The following PDGFB variants were observed in gnomAD, a reference collection of about 807,000 sequenced individuals.
PDGFB encodes the protein platelet derived growth factor subunit B.
In PDGFB, 6 loss-of-function variants were observed where a neutral mutation model predicts 29.0. That is an observed-to-expected ratio of 0.21 (90% CI 0.11 to 0.41). The LOEUF (loss-of-function observed/expected upper bound fraction) is 0.41, where lower values mean the gene tolerates loss of function less well. Among genes scored for constraint, PDGFB ranks in the 10% least tolerant of loss-of-function variants. The pLI is 1.00. For missense variants in PDGFB, 299 were observed against 341.8 expected (o/e 0.87, Z 0.99); for synonymous variants, 144 against 140.8 (o/e 1.02, Z -0.16).
At chr22:39,239,519 G>A (rs1932519926) in intron 1 of PDGFB, among the ~76,000 whole-genome samples, 1 of 152,142 alleles carries the variant, frequency 6.6e-6, no homozygotes, top group African/African-American at 2.4e-5. Flanking sequence ...ATGGGAAGGT[G>A]AGCCGCCCGG....
chr22:39,239,216 C>A, intron 1 of PDGFB, among the ~76,000 whole-genome samples: 1 of 152,184 alleles, frequency 6.6e-6, no homozygotes, highest in East Asian at 1.9e-4. Flanking sequence ...GCGAGTGGCA[C>A]ACGTGCTCAG....
chr22:39,243,242 CTCTCTCTCCG>C lies in PDGFB; in HGVS notation c.63+649_63+658del, dbSNP rs1175939288. Among the ~76,000 whole-genome samples the C allele has an allele frequency of 0.011, 1,604 of 142,558 alleles. 16 individuals are homozygous for C. Among genetic ancestry groups the C allele is most frequent in the African/African-American group, 0.039 (1,545 of 39,280 alleles). 93.5% of individuals were successfully genotyped at this position (142,558 alleles called of 152,430 possible). ...TCTTTCTCTCCCTCTCTCTCTCCGT[CTCTCTCTCCG>C]TCTCTCTCTCTCTCTCTCTCTTTCT... On this transcript the variant is annotated intron_variant, in intron 1 of 6. Coordinates refer to ENST00000331163, the MANE Select transcript of PDGFB (RefSeq NM_002608.4). This position sits in a 1 kb window ranked among gnomAD's most constrained non-coding sequence, Gnocchi z 6.4.
intron 4 of PDGFB, 65 bp from the exon 5 acceptor site, chr22:39,230,293 A>C: frequency 6.4e-7 from 1 of 1,558,412 alleles, no homozygotes; most frequent in East Asian, 2.2e-5. Flanking sequence ...GGAAGCCCGA[A>C]TGGCTTGCGC....
At chr22:39,232,259 C>T (rs1932327448) in intron 3 of PDGFB, among the ~76,000 whole-genome samples, 1 of 152,228 alleles carries the variant, frequency 6.6e-6, no homozygotes, top group South Asian at 2.1e-4. Flanking sequence ...CTCACGGTGC[C>T]TTGGATTCCT....
intron 5 of PDGFB, among the ~76,000 whole-genome samples, chr22:39,228,886 C>CAAAAAAAAAAAAAAA (rs34953400): frequency 6.9e-5 from 5 of 72,466 alleles, no homozygotes; most frequent in Non-Finnish European, 1.5e-4. Flanking sequence ...GAGACTGCCT[C>CAAAAAAAAAAAAAAA]AAAAAAAATA....
Position 39,244,114 on chromosome 22 carries a change from CA to C in PDGFB, c.-152del. 2.8e-6 allele frequency: 1 copy of C among 362,498 alleles called. No homozygotes were observed. The highest frequency in any genetic ancestry group is 4.8e-6 in the Non-Finnish European group (1 of 209,502). 22.5% of individuals were successfully genotyped at this position (362,498 alleles called of 1,614,324 possible). A position where few individuals can be genotyped will look rare whatever the true frequency, so the allele number is the denominator to read the frequency against. Reference sequence around the variant, plus strand: ...GGCCTCTGCAGCCGCGGCTCACCCGCATGGCCCCCGGGCGCCGCCGCCCCCG... The same window carrying C: ...GGCCTCTGCAGCCGCGGCTCACCCGCTGGCCCCCGGGCGCCGCCGCCCCCG... On this transcript the variant is annotated 5_prime_UTR_variant, in exon 1 of 7. An upstream start codon of the reference 5' UTR is lost. Transcript: ENST00000331163. The surrounding 1 kb of genome is among the most constrained non-coding windows in gnomAD (Gnocchi z 4.5).
chr22:39,225,628 C>T (rs1318505596), intron 6 of PDGFB, 67 bp downstream of exon 6: 2 of 1,440,710 alleles, frequency 1.4e-6, no homozygotes, highest in Admixed American at 2.0e-5. Flanking sequence ...TTCCCCTGAC[C>T]CCATCCACAG....
rs767228828 is a variant in PDGFB at position 39,243,274 on chromosome 22, T to TTCTCTCTC, written c.63+619_63+626dup. 9.9e-5 allele frequency among the ~76,000 whole-genome samples: 6 copies of TTCTCTCTC among 60,804 alleles called. No individual in the cohort carries two copies. Among genetic ancestry groups the TTCTCTCTC allele is most frequent in the African/African-American group, 2.4e-4 (6 of 24,792 alleles). 39.9% of individuals were successfully genotyped at this position (60,804 alleles called of 152,430 possible). On this transcript the variant is annotated intron_variant, in intron 1 of 6. Coordinates refer to ENST00000331163, the MANE Select transcript of PDGFB (RefSeq NM_002608.4). The surrounding 1 kb of genome is among the most constrained non-coding windows in gnomAD (Gnocchi z 6.4). ...TCCGTCTCTCTCTCTCTCTCTCTCT[T>TTCTCTCTC]TCTCTCTCTCTCTCTCTCTCTCCCT...
intron 1 of PDGFB, among the ~76,000 whole-genome samples, chr22:39,240,188 G>A (rs1932534045): frequency 6.6e-6 from 1 of 152,000 alleles, no homozygotes; most frequent in Non-Finnish European, 1.5e-5. Context: ...ACCTCTTGCA[G>A]GAGCAGAGGA....
intron 2 of PDGFB, 51 bp downstream of exon 2, chr22:39,235,727 C>A: frequency 7.6e-7 from 1 of 1,308,536 alleles, no homozygotes; most frequent in Non-Finnish European, 1.1e-6. Flanking sequence ...CCTCCCAGAT[C>A]TCTTAAAGTC....
intron 3 of PDGFB, among the ~76,000 whole-genome samples, chr22:39,232,406 C>T (rs935408543): frequency 6.6e-6 from 1 of 152,212 alleles, no homozygotes; most frequent in Non-Finnish European, 1.5e-5. Flanking sequence ...CCGATGCTAT[C>T]CATGTACAGA....
Position 39,231,740 on chromosome 22 carries a change from C to T in PDGFB, c.338G>A (p.Arg113His), listed in dbSNP as rs564553038. ...VFEISRRLIDRTNANFLVWPP... is the reference protein window; with the variant it reads ...VFEISRRLIDHTNANFLVWPP... ...CCACACCAGGAAGTTGGCGTTGGTGCGGTCTATGAGGCGCCGGGAGATCTC... is the reference window on the plus strand; with the variant it reads ...CCACACCAGGAAGTTGGCGTTGGTGTGGTCTATGAGGCGCCGGGAGATCTC... Residue 113 changes from arginine to histidine, a missense_variant, in exon 4 of 7, where the codon CGC (arginine) becomes CAC (histidine). Coordinates refer to ENST00000331163, the MANE Select transcript of PDGFB (RefSeq NM_002608.4). The surrounding 1 kb of genome is among the most constrained non-coding windows in gnomAD (Gnocchi z 4.3). The T allele has an allele frequency of 1.1e-4, 171 of 1,612,474 alleles. 1 individual carries two copies. The South Asian group carries it at 1.7e-3, about 16-fold the overall frequency.
chr22:39,227,001 C>T (rs1249061728), intron 5 of PDGFB, among the ~76,000 whole-genome samples: 1 of 152,266 alleles, frequency 6.6e-6, no homozygotes, highest in Non-Finnish European at 1.5e-5. Flanking sequence ...CTCTGTTGCC[C>T]AGGTTGGAGT....
chr22:39,233,894 G>A (rs1040228497), intron 2 of PDGFB, among the ~76,000 whole-genome samples: 19 of 152,216 alleles, frequency 1.2e-4, no homozygotes, highest in African/African-American at 4.6e-4. Context: ...CCTCCACCCA[G>A]CGTTCCCATA....
intron 1 of PDGFB, among the ~76,000 whole-genome samples, chr22:39,239,709 T>C (rs764340889): frequency 6.6e-5 from 10 of 152,040 alleles, no homozygotes; most frequent in Non-Finnish European, 1.2e-4. Context: ...GGAGCCAAGG[T>C]AAACAGCCTC....
Position 39,232,809 on chromosome 22 carries a change from A to T in PDGFB, c.250+626T>A, listed in dbSNP as rs1932342261. Among the ~76,000 whole-genome samples the T allele has an allele frequency of 2.0e-5, 3 of 152,200 alleles. No homozygotes were observed. In the South Asian group the frequency reaches 6.2e-4, roughly 32 times the overall value. Reference sequence around the variant, plus strand: ...GGCCCAGGCCACCTGACTCTTATTCATCGTTCCCCCAGCCTCTAACTGCAG... The same window carrying T: ...GGCCCAGGCCACCTGACTCTTATTCTTCGTTCCCCCAGCCTCTAACTGCAG... On this transcript the variant is annotated intron_variant, in intron 3 of 6. Coordinates refer to ENST00000331163, the MANE Select transcript of PDGFB (RefSeq NM_002608.4).
intron 5 of PDGFB, 22 bp from the exon 6 acceptor site, chr22:39,225,869 C>T: frequency 1.2e-6 from 2 of 1,605,350 alleles, no homozygotes; most frequent in South Asian, 1.1e-5. Context: ...AAAGAAAGAC[C>T]TCGTCAGCAT....
intron 5 of PDGFB, among the ~76,000 whole-genome samples, chr22:39,227,108 A>G (rs4990922): frequency 0.37 from 56,579 of 151,740 alleles, 11,070 homozygotes; most frequent in Middle Eastern, 0.49. Context: ...ACAGGCATGC[A>G]CCATGACACC....
chr22:39,241,597 G>A (rs1932569724), intron 1 of PDGFB, among the ~76,000 whole-genome samples: 1 of 152,272 alleles, frequency 6.6e-6, no homozygotes, highest in African/African-American at 2.4e-5. Context: ...GAAAGAAGGA[G>A]GAGGTGCTGG....
Sources: allele counts gnomAD v4.1 joint callset (sites outside exome capture counted in the v4.1 genomes callset), GRCh38; gene constraint gnomAD v4.1.1; non-coding constraint Gnocchi (gnomAD v3.1); transcripts MANE v1.5; gene names NCBI Gene and HGNC (gene_info 2026-07-23, HGNC 2026-07-21).